Variants in ATXN3 observed in about 807,000 individuals in gnomAD.
The protein encoded by ATXN3 is ataxin 3.
Under a neutral mutation model 58.2 loss-of-function variants are expected in ATXN3, and 28 were observed. The observed-to-expected ratio is 0.48, with a 90% confidence interval of 0.36 to 0.66. The LOEUF (loss-of-function observed/expected upper bound fraction) is 0.66. Ranked by LOEUF, ATXN3 falls within the 30% of genes least tolerant of loss-of-function variation. The pLI, the probability that ATXN3 is intolerant of heterozygous loss-of-function variation, is 0.00. For missense variants in ATXN3, 321 were observed against 422.1 expected, an observed-to-expected ratio of 0.76 and a Z score of 2.10; for synonymous variants, 113 against 138.5, an observed-to-expected ratio of 0.82 and a Z score of 1.29.
intron 1 of ATXN3, among the ~76,000 whole-genome samples, chr14:92,103,876 A>T (rs985025763): frequency 2.8e-4 from 42 of 152,294 alleles, no homozygotes; most frequent in African/African-American, 9.6e-4. Flanking sequence ...CAAACCCAGG[A>T]CCTAGCAAGG....
intron 1 of ATXN3, chr14:92,048,074 G>A (rs1043321910): frequency 4.6e-5 from 7 of 152,298 alleles, no homozygotes; most frequent in African/African-American, 1.7e-4. Flanking sequence ...TGGACAGTCC[G>A]ATTTCCAGTG....
chr14:92,093,369 T>A (rs2064342933), intron 4 of ATXN3, 51 bp from the exon 5 acceptor site: 1 of 871,784 alleles, frequency 1.1e-6, no homozygotes, highest in South Asian at 1.6e-5. Flanking sequence ...TTCATATTTA[T>A]GTTGTCTACT....
At chr14:92,066,601 GTTT>G (rs66941473) in intron 10 of ATXN3, among the ~76,000 whole-genome samples, 8 of 106,994 alleles carry the variant, frequency 7.5e-5, no homozygotes, top group East Asian at 2.7e-4. Context: ...TTTTTTTCTT[GTTT>G]TTTTTTTTTT....
At chr14:92,064,535 C>T in intron 10 of ATXN3, 121 bp from the exon 11 acceptor site, 1 of 700,476 alleles carries the variant, frequency 1.4e-6, no homozygotes, top group Non-Finnish European at 2.5e-6. Context: ...TGATTTAATA[C>T]ATATAAAGCA....
At chr14:92,084,167 C>T (rs2061959162) in intron 6 of ATXN3, among the ~76,000 whole-genome samples, 2 of 152,288 alleles carry the variant, frequency 1.3e-5, no homozygotes, top group South Asian at 4.1e-4. Flanking sequence ...CGAGTCGATA[C>T]TCCTTAATAC....
rs190629084 is a variant in ATXN3, at chr14:92,089,580, C to T, written c.388-763G>A. On this transcript the variant is annotated intron_variant, in intron 5 of 10. Transcript: ENST00000644486. ...GTCTTGATCTCTTGACCTTGTGATC[C>T]GCCCGCCTAGGCCTCCCAAAGTGCT... is the stretch of plus-strand genomic sequence containing the variant. 5.4e-3 allele frequency among the ~76,000 whole-genome samples: 817 copies of T among 152,054 alleles called. 9 individuals are homozygous for T. The highest frequency in any genetic ancestry group is 0.019 in the African/African-American group (782 of 41,492).
intron 6 of ATXN3, among the ~76,000 whole-genome samples, chr14:92,085,563 C>T (rs187053228): frequency 4.1e-4 from 63 of 152,172 alleles, no homozygotes; most frequent in African/African-American, 1.5e-3. Context: ...ACATAACAGG[C>T]CTTACACTGG....
exon 3 of ATXN3, chr14:92,044,926 G>C (rs186076521): frequency 1.3e-5 from 2 of 152,252 alleles, no homozygotes; most frequent in Admixed American, 1.3e-4. Context: ...AGAACTGATC[G>C]TCCAGCTAGG....
In ATXN3 at chr14:92,099,367, A is replaced by T. The variant is rs962911173; in HGVS notation, c.25-2529T>A. Among the ~76,000 whole-genome samples, 14 of 152,362 alleles carry T rather than the reference A, an allele frequency of 9.2e-5. No individual in the cohort carries two copies. In the South Asian group the frequency reaches 2.9e-3, roughly 32 times the overall value. On this transcript the variant is annotated intron_variant, in intron 1 of 10. Coordinates refer to ENST00000644486, the MANE Select transcript of ATXN3 (RefSeq NM_004993.6). ...AGGAAGACAACATTGAGACAGCCTC[A>T]GTCTGAGATAAGTTTATCTTCAACT... is the stretch of plus-strand genomic sequence containing the variant.
intron 2 of ATXN3, among the ~76,000 whole-genome samples, chr14:92,046,677 C>T (rs1751908133): frequency 6.6e-6 from 1 of 152,080 alleles, no homozygotes; most frequent in Non-Finnish European, 1.5e-5. Context: ...GCTAGGTTTG[C>T]TTTTGTGAGT....
chr14:92,048,295 C>G (rs2057436181), intron 1 of ATXN3, among the ~76,000 whole-genome samples: 1 of 152,222 alleles, frequency 6.6e-6, no homozygotes, highest in Non-Finnish European at 1.5e-5. Context: ...GGAATTGCAA[C>G]TCAGAAATAC....
rs67089639 is a variant in ATXN3, at chr14:92,059,896, A to C, written c.*4424T>G. On this transcript the variant is annotated 3_prime_UTR_variant, in exon 11 of 11. Coordinates refer to ENST00000644486, the MANE Select transcript of ATXN3 (RefSeq NM_004993.6). Reference sequence around the variant, plus strand: ...CGCCTCTTCGTTTCCGGATTAAAAAAAAACAAACAAACCTTTAAGATGGAG... The same window carrying C: ...CGCCTCTTCGTTTCCGGATTAAAAACAAACAAACAAACCTTTAAGATGGAG... The C allele has an allele frequency of 0.27, 40,852 of 151,080 alleles. 5,762 individuals carry two copies. The highest frequency in any genetic ancestry group is 0.35 in the East Asian group (1,799 of 5,092). 9.4% of individuals were successfully genotyped at this position (151,080 alleles called of 1,614,324 possible).
At chr14:92,057,456 T>C (rs918382922), downstream of ATXN3, among the ~76,000 whole-genome samples, 1 of 150,816 alleles carries the variant, frequency 6.6e-6, no homozygotes, top group Non-Finnish European at 1.5e-5. Flanking sequence ...GGGGTGGACA[T>C]GGCAACCAGC....
chr14:92,093,178 C>T (rs757280057), intron 5 of ATXN3, 74 bp downstream of exon 5: 49 of 1,033,096 alleles, frequency 4.7e-5, no homozygotes, highest in Non-Finnish European at 6.5e-5. Context: ...TGAGCCACCA[C>T]ACCTGGCCCA....
chr14:92,056,459 A>G (rs531490423), downstream of ATXN3, among the ~76,000 whole-genome samples: 1 of 152,358 alleles, frequency 6.6e-6, no homozygotes, highest in South Asian at 2.1e-4. Flanking sequence ...ATTTGGACGT[A>G]TGCTACAACA....
At position 92,083,424 on chromosome 14, in the gene ATXN3, G is replaced by A. The variant is rs547199233; in HGVS notation, c.476-166C>T. ...AATGATTCTTATACTTACTAGTAAA[G>A]TCGTCTAAGGTAAGTTACTTAAAGT... is the stretch of plus-strand genomic sequence containing the variant. On this transcript the variant is annotated intron_variant, in intron 6 of 10. Coordinates refer to ENST00000644486, the MANE Select transcript of ATXN3 (RefSeq NM_004993.6). 122 of 756,132 alleles carry A rather than the reference G, an allele frequency of 1.6e-4. 2 individuals carry two copies. The South Asian group carries it at 1.9e-3, about 12-fold the overall frequency. 46.8% of individuals were successfully genotyped at this position (756,132 alleles called of 1,614,324 possible).
chr14:92,096,966 G>A (rs1279569760), intron 1 of ATXN3, 128 bp from the exon 2 acceptor site: 2 of 787,196 alleles, frequency 2.5e-6, no homozygotes, highest in East Asian at 5.8e-5. Context: ...GGAGTGCAGT[G>A]GCGCTATCTT....
chr14:92,070,479 T>C (rs910809879), intron 10 of ATXN3, among the ~76,000 whole-genome samples: 6 of 152,052 alleles, frequency 3.9e-5, no homozygotes, highest in African/African-American at 7.2e-5. Context: ...CTCAGGAGGC[T>C]GAGGCAGGAG....
chr14:92,053,473 C>CT (rs893045800), upstream of ATXN3, among the ~76,000 whole-genome samples: 22 of 145,136 alleles, frequency 1.5e-4, no homozygotes, highest in Non-Finnish European at 1.8e-4. Flanking sequence ...TTCTGCTCTC[C>CT]TTTTTTTTTT....
Sources: gnomAD v4.1 joint callset for allele counts (sites outside exome capture counted in the v4.1 genomes callset) on GRCh38, gnomAD v4.1.1 for gene constraint, MANE v1.5 for transcripts, NCBI Gene and HGNC (gene_info 2026-07-23, HGNC 2026-07-21) for gene names.